The following KIAA1217 variants were observed in gnomAD, a reference collection of about 807,000 sequenced individuals.
KIAA1217 encodes KIAA1217.
Under a neutral mutation model 163.9 loss-of-function variants are expected in KIAA1217, and 88 were observed. That is an observed-to-expected ratio of 0.54 (90% CI 0.45 to 0.64). KIAA1217 has a LOEUF of 0.64. Among genes scored for constraint, KIAA1217 ranks in the 30% least tolerant of loss-of-function variants. The pLI is 0.00. For synonymous variants in KIAA1217, 903 were observed against 923.1 expected (o/e 0.98, Z 0.39); for missense variants, 2,372 against 2,475.0 (o/e 0.96, Z 0.88).
chr10:24,374,135 C>T (rs1322187671), intron 2 of KIAA1217, among the ~76,000 whole-genome samples: 1 of 152,150 alleles, frequency 6.6e-6, no homozygotes, highest in Non-Finnish European at 1.5e-5. Context: ...AAGGATATTT[C>T]ATCAAAATAA....
chr10:24,248,670 CAAAAAAAAAA>C lies in KIAA1217; in HGVS notation c.354+28779_354+28788del, dbSNP rs929995548. On this transcript the variant is annotated intron_variant, in intron 2 of 20. Transcript: ENST00000376454. ...TGGGCAACAAAGCAAGACTCCATCT[CAAAAAAAAAA>C]AAAAAAAAAAAAAAAAATGTCCCTC... 7.9e-3 allele frequency among the ~76,000 whole-genome samples: 288 copies of C among 36,462 alleles called. 1 individual carries two copies. Among genetic ancestry groups the C allele is most frequent in the African/African-American group, 0.031 (271 of 8,702 alleles). The allele number at this position is 36,462 out of a possible 152,430, so 23.9% of individuals were successfully genotyped here. A position where few individuals can be genotyped will look rare whatever the true frequency, so the allele number is the denominator to read the frequency against.
chr10:24,381,019 A>G lies in KIAA1217; in HGVS notation c.505A>G (p.Ser169Gly). The change falls in exon 3 of 21, where the codon AGC becomes GGC. Residue 169 changes from serine to glycine, a missense_variant. This residue lies in a region of KIAA1217 where 1,431 missense variants were observed against 1,470.3 expected (regional missense o/e 0.97). Transcript: ENST00000376454. Reference sequence around the variant, plus strand: ...TTCCAGAGGCAGCCGGACTCGTGCGAGCCTTCCTGTGGTGAGGTCAACCAA... The same window carrying G: ...TTCCAGAGGCAGCCGGACTCGTGCGGGCCTTCCTGTGGTGAGGTCAACCAA... The part of the protein sequence containing the change: ...PFSRGSRTRA[S>G]LPVVRSTNQT... 1 of 1,606,932 alleles carries G rather than the reference A, an allele frequency of 6.2e-7. No homozygotes were observed. Among genetic ancestry groups the G allele is most frequent in the Non-Finnish European group, 8.5e-7 (1 of 1,175,948 alleles).
At chr10:23,929,079 G>A (rs917277306) in intron 1 of KIAA1217, among the ~76,000 whole-genome samples, 18 of 152,160 alleles carry the variant, frequency 1.2e-4, no homozygotes, top group African/African-American at 4.3e-4. Context: ...AGATGAGGTG[G>A]TTATGCAGAG....
chr10:24,035,589 A>G (rs556790209), intron 2 of KIAA1217, among the ~76,000 whole-genome samples: 1 of 152,338 alleles, frequency 6.6e-6, no homozygotes, highest in East Asian at 1.9e-4. Flanking sequence ...TAGTATCACC[A>G]GCTCATGATG....
chr10:23,730,678 G>C (rs1228005900), intron 1 of KIAA1217, among the ~76,000 whole-genome samples: 1 of 151,902 alleles, frequency 6.6e-6, no homozygotes, highest in African/African-American at 2.4e-5. Flanking sequence ...TCATAATTTT[G>C]TAGTTTTTCT....
At chr10:23,904,826 T>C (rs1842086391) in intron 1 of KIAA1217, among the ~76,000 whole-genome samples, 1 of 152,090 alleles carries the variant, frequency 6.6e-6, no homozygotes, top group African/African-American at 2.4e-5. Flanking sequence ...TTCAAAGAGC[T>C]CTATGAGGGT....
intron 1 of KIAA1217, among the ~76,000 whole-genome samples, chr10:23,981,521 CAAGT>C (rs1247686732): frequency 6.6e-6 from 1 of 152,144 alleles, no homozygotes; most frequent in African/African-American, 2.4e-5. Context: ...TGTCTATACG[CAAGT>C]GAGGGTCATT....
intron 2 of KIAA1217, among the ~76,000 whole-genome samples, chr10:24,364,039 C>T (rs1204239276): frequency 8.6e-5 from 13 of 150,418 alleles, no homozygotes; most frequent in African/African-American, 3.2e-4. Flanking sequence ...GGTGCAATGG[C>T]GCAGTCTTGG....
At chr10:24,348,392 T>A (rs1485477843) in intron 2 of KIAA1217, among the ~76,000 whole-genome samples, 1 of 152,154 alleles carries the variant, frequency 6.6e-6, no homozygotes, top group Non-Finnish European at 1.5e-5. Context: ...TAAGTATACT[T>A]CTAAAATAGA....
intron 2 of KIAA1217, among the ~76,000 whole-genome samples, chr10:24,121,564 A>G (rs554797387): frequency 6.6e-6 from 1 of 152,284 alleles, no homozygotes; most frequent in South Asian, 2.1e-4. Flanking sequence ...GAGGAGGGAG[A>G]TGTCAAATTT....
intron 1 of KIAA1217, among the ~76,000 whole-genome samples, chr10:23,851,610 C>G (rs1588947921): frequency 2.6e-5 from 4 of 151,972 alleles, no homozygotes; most frequent in Non-Finnish European, 5.9e-5. Flanking sequence ...AATGGTTGAA[C>G]TAGTTTACAG....
chr10:24,186,394 G>A (rs1044326083), intron 2 of KIAA1217, among the ~76,000 whole-genome samples: 1 of 152,110 alleles, frequency 6.6e-6, no homozygotes, highest in African/African-American at 2.4e-5. Context: ...TTCCAGAGTT[G>A]ACTTTTTTGT....
intron 2 of KIAA1217, among the ~76,000 whole-genome samples, chr10:24,292,304 C>T (rs1402829152): frequency 6.6e-6 from 1 of 152,166 alleles, no homozygotes; most frequent in Non-Finnish European, 1.5e-5. Context: ...TTGAAGTAGA[C>T]CAATTTGGAC....
At chr10:24,157,983 G>T (rs11013923) in intron 2 of KIAA1217, 2 of 758,356 alleles carry the variant, frequency 2.6e-6, no homozygotes, top group East Asian at 4.9e-5. Flanking sequence ...CCACAATCTC[G>T]ATCAATTAGT....
intron 3 of KIAA1217, among the ~76,000 whole-genome samples, chr10:24,406,763 T>C (rs1193880548): frequency 1.3e-5 from 2 of 152,226 alleles, no homozygotes; most frequent in Admixed American, 6.5e-5. Context: ...AGGTGTATTA[T>C]TGAACAATCC....
intron 3 of KIAA1217, among the ~76,000 whole-genome samples, chr10:24,419,244 A>G (rs1279184833): frequency 1.3e-5 from 2 of 151,856 alleles, no homozygotes; most frequent in African/African-American, 4.8e-5. Flanking sequence ...ATAACCACTC[A>G]TCAGAAGCTA....
At chr10:23,820,046 G>A (rs568414816) in intron 1 of KIAA1217, among the ~76,000 whole-genome samples, 1 of 152,304 alleles carries the variant, frequency 6.6e-6, no homozygotes, top group South Asian at 2.1e-4. Flanking sequence ...CACAAATACA[G>A]AGTATCTGGT....
chr10:23,764,303 A>G (rs1834406090), intron 1 of KIAA1217, among the ~76,000 whole-genome samples: 1 of 152,196 alleles, frequency 6.6e-6, no homozygotes, highest in Non-Finnish European at 1.5e-5. Flanking sequence ...GTCAGGAAAC[A>G]ATAGATGTTG....
intron 1 of KIAA1217, among the ~76,000 whole-genome samples, chr10:23,879,128 C>T (rs925167298): frequency 2.6e-5 from 4 of 151,992 alleles, no homozygotes; most frequent in African/African-American, 4.8e-5. Context: ...TTCAAAGCTG[C>T]GAGGCTGGCT....
Sources: gnomAD v4.1 joint callset for allele counts (sites outside exome capture counted in the v4.1 genomes callset) on GRCh38, gnomAD v4.1.1 for gene constraint, gnomAD v4.1.1 regional missense constraint, MANE v1.5 for transcripts, NCBI Gene and HGNC (gene_info 2026-07-23, HGNC 2026-07-21) for gene names.